LEKR1: variants seen among roughly 807,000 people sequenced by gnomAD.
LEKR1 encodes the protein protein LEKR1.
In LEKR1, 59 loss-of-function variants were observed where a neutral mutation model predicts 72.4. The ratio of observed to expected loss-of-function variants is 0.82; its 90% confidence interval spans 0.66 to 1.01. The LOEUF is 1.01. LEKR1 is among the 50% of genes least tolerant of loss of function. The pLI is 0.00. For synonymous variants in LEKR1, 257 were observed against 263.2 expected, an observed-to-expected ratio of 0.98 and a Z score of 0.23; for missense variants, 728 against 759.2, an observed-to-expected ratio of 0.96 and a Z score of 0.48.
At chr3:157,005,713 C>T (rs1384287608) in intron 9 of LEKR1, among the ~76,000 whole-genome samples, 3 of 152,008 alleles carry the variant, frequency 2.0e-5, no homozygotes, top group African/African-American at 7.2e-5. Context: ...TCAAAATTAA[C>T]GTGTTCTTCA....
intron 3 of LEKR1, among the ~76,000 whole-genome samples, chr3:156,886,793 T>C (rs1356847659): frequency 6.6e-6 from 1 of 152,250 alleles, no homozygotes; most frequent in Non-Finnish European, 1.5e-5. Flanking sequence ...TCACCTGTTT[T>C]GCAGTTTGTC....
chr3:156,884,219 T>C (rs1719813164), intron 3 of LEKR1, among the ~76,000 whole-genome samples: 2 of 152,208 alleles, frequency 1.3e-5, no homozygotes, highest in African/African-American at 4.8e-5. Flanking sequence ...TGGATTTTCA[T>C]CCATTCTGCT....
At chr3:156,849,605 A>T (rs1192652172) in intron 2 of LEKR1, among the ~76,000 whole-genome samples, 1 of 152,214 alleles carries the variant, frequency 6.6e-6, no homozygotes, top group Non-Finnish European at 1.5e-5. Context: ...ATAATGCCAC[A>T]TATCTACAAC....
At chr3:156,852,715 A>T in intron 2 of LEKR1, 53 bp from the exon 3 acceptor site, 2 of 861,554 alleles carry the variant, frequency 2.3e-6, no homozygotes, top group South Asian at 3.7e-5. Flanking sequence ...CTTCAGTTGA[A>T]CTTGTTTTTT....
intron 6 of LEKR1, among the ~76,000 whole-genome samples, chr3:156,947,145 T>C (rs1726758121): frequency 6.6e-6 from 1 of 151,212 alleles, no homozygotes; most frequent in Admixed American, 6.6e-5. Context: ...TTTATTTCTT[T>C]TCTTCTAATT....
chr3:156,878,812 C>A (rs1718924455), intron 3 of LEKR1, among the ~76,000 whole-genome samples: 1 of 152,014 alleles, frequency 6.6e-6, no homozygotes, highest in African/African-American at 2.4e-5. Context: ...ATCATGGGGC[C>A]AGTTTCCCCC....
chr3:156,884,572 C>T (rs1205152678), intron 3 of LEKR1, among the ~76,000 whole-genome samples: 2 of 152,122 alleles, frequency 1.3e-5, no homozygotes, highest in Non-Finnish European at 2.9e-5. Flanking sequence ...TCTTGGCTGA[C>T]AATTATTTGG....
chr3:156,936,198 GAT>G (rs976349839), intron 5 of LEKR1, among the ~76,000 whole-genome samples: 98 of 152,100 alleles, frequency 6.4e-4, no homozygotes, highest in African/African-American at 2.3e-3. Flanking sequence ...TAGGATCCTT[GAT>G]AGTGTTGCCC....
At chr3:156,957,187 A>G (rs931870491) in intron 6 of LEKR1, among the ~76,000 whole-genome samples, 1 of 152,112 alleles carries the variant, frequency 6.6e-6, no homozygotes, top group African/African-American at 2.4e-5. Flanking sequence ...GTAATACATT[A>G]TCCCATGCCA....
Position 157,028,039 on chromosome 3 carries a change from C to T in LEKR1, c.1369-64C>T, listed in dbSNP as rs982411862. The T allele has an allele frequency of 8.0e-6, 9 of 1,122,342 alleles. No individual in the cohort carries two copies. The African/African-American group carries it at 9.4e-5, about 12-fold the overall frequency. 69.5% of individuals were successfully genotyped at this position (1,122,342 alleles called of 1,614,324 possible). On this transcript the variant is annotated intron_variant, in intron 11 of 12. Coordinates refer to ENST00000356539, the MANE Select transcript of LEKR1 (RefSeq NM_001004316.3). ...TAATGAAAATAAACCTCTTAAAAACCATAAGAATTCTGTGGTTACCTAGAA... is the reference window on the plus strand; with the variant it reads ...TAATGAAAATAAACCTCTTAAAAACTATAAGAATTCTGTGGTTACCTAGAA...
intron 3 of LEKR1, among the ~76,000 whole-genome samples, chr3:156,911,497 CTTTAG>C (rs948656500): frequency 6.6e-6 from 1 of 152,000 alleles, no homozygotes; most frequent in Admixed American, 6.5e-5. Flanking sequence ...TGCAGAAGCT[CTTTAG>C]TTTAGTTAGG....
chr3:156,920,959 C>T lies in LEKR1; in HGVS notation c.383+265C>T, dbSNP rs565105274. 2.4e-4 allele frequency: 50 copies of T among 205,292 alleles called. No individual in the cohort carries two copies. The South Asian group carries it at 4.9e-3, about 20-fold the overall frequency. The allele number at this position is 205,292 out of a possible 1,614,324, so 12.7% of individuals were successfully genotyped here. ...TGTGGTGGCATTTAGAATGAAAGCACGGTAACTAATTTCCCTCTTCACCAA... is the reference window on the plus strand; with the variant it reads ...TGTGGTGGCATTTAGAATGAAAGCATGGTAACTAATTTCCCTCTTCACCAA... On this transcript the variant is annotated intron_variant, in intron 4 of 12. Coordinates refer to ENST00000356539, the MANE Select transcript of LEKR1 (RefSeq NM_001004316.3).
At chr3:156,962,013 G>C (rs941803721) in intron 6 of LEKR1, among the ~76,000 whole-genome samples, 1 of 152,264 alleles carries the variant, frequency 6.6e-6, no homozygotes, top group Non-Finnish European at 1.5e-5. Flanking sequence ...TTTGCCCAAA[G>C]GTGTATTCAC....
chr3:156,896,598 G>A (rs1213386790), intron 3 of LEKR1, among the ~76,000 whole-genome samples: 4 of 152,176 alleles, frequency 2.6e-5, no homozygotes, highest in Non-Finnish European at 4.4e-5. Context: ...CTTATACACT[G>A]CTGTAGAAAT....
In LEKR1 at chr3:157,028,121, G is replaced by C; in HGVS notation, c.1387G>C (p.Gly463Arg). 1 of 1,578,728 alleles carries C rather than the reference G, an allele frequency of 6.3e-7. No homozygotes were observed. The highest frequency in any genetic ancestry group is 8.6e-7 in the Non-Finnish European group (1 of 1,163,468). Reference sequence around the variant, plus strand: ...CTTACAGATATCTGACTTAATCACAGGCGCTACAAGAGATCTAAGGCAGGA... The same window carrying C: ...CTTACAGATATCTGACTTAATCACACGCGCTACAAGAGATCTAAGGCAGGA... ...LQMKISDLIT[G>R]ATRDLRQEVT... Residue 463 changes from glycine to arginine, a missense_variant, in exon 12 of 13, where the codon GGC (glycine) becomes CGC (arginine). Physicochemically the swap from Gly to Arg is moderately radical, Grantham distance 125. Transcript: ENST00000356539.
intron 3 of LEKR1, among the ~76,000 whole-genome samples, chr3:156,914,211 C>T (rs534785188): frequency 2.6e-5 from 4 of 152,098 alleles, no homozygotes; most frequent in East Asian, 3.8e-4. Flanking sequence ...ATGTGCAGAA[C>T]GTGCAGGTTT....
In LEKR1 at chr3:157,024,894, TAAGA is replaced by T; in HGVS notation, c.1344_1347del (p.Lys448AsnfsTer7). Reference sequence around the variant, plus strand: ...AACACCAAGATGTAATCCAAAAGTATAAGAAAGAACAAGAGGAACTACAAATGAA... The same window carrying T: ...AACACCAAGATGTAATCCAAAAGTATAAGAACAAGAGGAACTACAAATGAA... On this transcript the variant is annotated frameshift_variant, in exon 11 of 13. Coordinates refer to ENST00000356539, the MANE Select transcript of LEKR1 (RefSeq NM_001004316.3). LOFTEE classifies it high-confidence loss of function. 6.3e-7 allele frequency: 1 copy of T among 1,599,618 alleles called. No individual in the cohort carries two copies. The highest frequency in any genetic ancestry group is 8.5e-7 in the Non-Finnish European group (1 of 1,172,256).
intron 6 of LEKR1, among the ~76,000 whole-genome samples, chr3:156,960,952 TCA>T (rs1374193130): frequency 1.3e-5 from 2 of 152,236 alleles, no homozygotes; most frequent in African/African-American, 4.8e-5. Flanking sequence ...TATAATCCTC[TCA>T]GAGGTCATTG....
At chr3:157,041,530 G>A (rs998794627) in intron 12 of LEKR1, among the ~76,000 whole-genome samples, 5 of 151,918 alleles carry the variant, frequency 3.3e-5, no homozygotes, top group Admixed American at 3.3e-4. Context: ...ATCAGTCCTG[G>A]TCTCTCCTCC....
Sources: allele counts gnomAD v4.1 joint callset (sites outside exome capture counted in the v4.1 genomes callset), GRCh38; gene constraint gnomAD v4.1.1; transcripts MANE v1.5; gene names NCBI Gene and HGNC (gene_info 2026-07-23, HGNC 2026-07-21).